Variants in NKIRAS1 observed in about 807,000 individuals in gnomAD.
NKIRAS1 encodes the protein NFKB inhibitor interacting Ras like 1.
In NKIRAS1, 16 loss-of-function variants were observed where a neutral mutation model predicts 19.8. That is an observed-to-expected ratio of 0.81 (90% CI 0.55 to 1.23). NKIRAS1 has a LOEUF of 1.23. NKIRAS1 is among the 50% of genes most tolerant of loss of function. NKIRAS1 has a pLI of 0.00. For synonymous variants in NKIRAS1, 88 were observed against 79.0 expected (o/e 1.11, Z -0.61); for missense variants, 184 against 220.0 (o/e 0.84, Z 1.04).
intron 1 of NKIRAS1, among the ~76,000 whole-genome samples, chr3:23,941,033 T>G (rs1003805879): frequency 2.6e-5 from 4 of 152,236 alleles, no homozygotes; most frequent in Admixed American, 2.0e-4. Flanking sequence ...CTTTGTGGTC[T>G]TCAACAATTT....
intron 1 of NKIRAS1, among the ~76,000 whole-genome samples, chr3:23,915,649 C>G (rs142919441): frequency 6.6e-6 from 1 of 152,190 alleles, no homozygotes; most frequent in African/African-American, 2.4e-5. Context: ...TGAGAACCTT[C>G]ACCTCTCCGA....
chr3:23,909,459 G>A (rs916111255), intron 3 of NKIRAS1, among the ~76,000 whole-genome samples: 1 of 152,140 alleles, frequency 6.6e-6, no homozygotes, highest in Non-Finnish European at 1.5e-5. Context: ...CCTGGGAGGC[G>A]GAAGTTGCAG....
At chr3:23,940,154 A>C in intron 1 of NKIRAS1, among the ~76,000 whole-genome samples, 1 of 133,000 alleles carries the variant, frequency 7.5e-6, no homozygotes, top group African/African-American at 2.9e-5. Context: ...ACACAGGAAG[A>C]CTCCCATCTC....
rs113548353 is a variant in NKIRAS1 at position 23,890,391 on chromosome 3, G to A, written c.*2704C>T. 16 of 845,234 alleles carry A rather than the reference G, an allele frequency of 1.9e-5. No individual in the cohort carries two copies. The highest frequency in any genetic ancestry group is 4.3e-5 in the South Asian group (2 of 46,152). 52.4% of individuals were successfully genotyped at this position (845,234 alleles called of 1,614,324 possible). On this transcript the variant is annotated 3_prime_UTR_variant, in exon 5 of 5. Transcript: ENST00000425478. ...ATCCAGCATGGTGGAGTGGTGTTTC[G>A]AAGATGGGTTTGATCACACATACTT...
chr3:23,890,705 G>C lies in NKIRAS1; in HGVS notation c.*2390C>G, dbSNP rs1369607746. ...GAGGGTGGGAGTTGGTAAAGAGTAG[G>C]GTATTTCTATAACAGATATTATTCA... On this transcript the variant is annotated 3_prime_UTR_variant, in exon 5 of 5. Transcript: ENST00000425478. 9.5e-7 allele frequency: 1 copy of C among 1,054,674 alleles called. No individual in the cohort carries two copies. The highest frequency in any genetic ancestry group is 2.7e-5 in the East Asian group (1 of 37,368). 65.3% of individuals were successfully genotyped at this position (1,054,674 alleles called of 1,614,324 possible). A position where few individuals can be genotyped will look rare whatever the true frequency, so the allele number is the denominator to read the frequency against.
chr3:23,942,270 C>T (rs1397533245), intron 1 of NKIRAS1, among the ~76,000 whole-genome samples: 6 of 152,108 alleles, frequency 3.9e-5, no homozygotes, highest in Admixed American at 3.3e-4. Flanking sequence ...TGAGCCACCG[C>T]GCCTGGCCTA....
At chr3:23,918,089 C>T, upstream of NKIRAS1, 9 of 1,566,494 alleles carry the variant, frequency 5.7e-6, no homozygotes, top group Non-Finnish European at 7.8e-6. Context: ...AAGTTGGAAA[C>T]CAGCTGTTAG....
chr3:23,893,462 G>A, intron 4 of NKIRAS1, 125 bp from the exon 5 acceptor site: 1 of 794,740 alleles, frequency 1.3e-6, no homozygotes, highest in Non-Finnish European at 2.0e-6. Context: ...ATTCTCAAGT[G>A]TGACTGGATA....
At chr3:23,932,909 G>GC (rs1368817095) in intron 1 of NKIRAS1, among the ~76,000 whole-genome samples, 1 of 151,994 alleles carries the variant, frequency 6.6e-6, no homozygotes, top group Non-Finnish European at 1.5e-5. Flanking sequence ...CAGAATAATG[G>GC]CCCCTCCAAT....
At chr3:23,928,340 T>G (rs925385231) in intron 1 of NKIRAS1, among the ~76,000 whole-genome samples, 2 of 144,394 alleles carry the variant, frequency 1.4e-5, no homozygotes, top group East Asian at 4.0e-4. Flanking sequence ...ATAAATGTTA[T>G]CATTTGAATA....
chr3:23,937,134 C>T (rs1705408507), intron 1 of NKIRAS1, among the ~76,000 whole-genome samples: 2 of 152,070 alleles, frequency 1.3e-5, no homozygotes, highest in Admixed American at 1.3e-4. Context: ...AATCCTGGCA[C>T]TTTGGGAGGC....
rs1559517464 is a variant in NKIRAS1, at chr3:23,940,167, C to CAA, written c.-140+6155_-140+6156insTT. ...CAACACAGGAAGACTCCCATCTCTA[C>CAA]CAAAAAAAAAAAAAAAAAAAAAAAG... On this transcript the variant is annotated intron_variant, in intron 1 of 4. Transcript: ENST00000421515. Among the ~76,000 whole-genome samples, 135 of 28,134 alleles carry CAA rather than the reference C, an allele frequency of 4.8e-3. 7 individuals carry two copies. Among genetic ancestry groups the CAA allele is most frequent in the Non-Finnish European group, 5.9e-3 (75 of 12,748 alleles). 18.5% of individuals were successfully genotyped at this position (28,134 alleles called of 152,430 possible).
chr3:23,918,137 G>T, upstream of NKIRAS1: 4 of 1,391,064 alleles, frequency 2.9e-6, no homozygotes, highest in Non-Finnish European at 3.9e-6. Flanking sequence ...TTCGCATAGG[G>T]CTTTGGCAGA....
At chr3:23,924,489 C>T (rs1352437729) in intron 1 of NKIRAS1, 2 of 152,248 alleles carry the variant, frequency 1.3e-5, no homozygotes, top group African/African-American at 4.8e-5. Context: ...ACTGCAACCT[C>T]CACCTTCTGG....
At chr3:23,920,433 AC>A (rs1705013303), upstream of NKIRAS1, 3 of 985,292 alleles carry the variant, frequency 3.0e-6, no homozygotes, top group South Asian at 1.4e-4. Context: ...TGGCCAAACA[AC>A]CCTAAAAATC....
intron 1 of NKIRAS1, among the ~76,000 whole-genome samples, chr3:23,931,921 T>C (rs1705324681): frequency 6.6e-6 from 1 of 152,104 alleles, no homozygotes; most frequent in Admixed American, 6.5e-5. Flanking sequence ...TATCAAGTCT[T>C]TGTCTGGAGC....
Position 23,890,592 on chromosome 3 carries a change from A to G in NKIRAS1, c.*2503T>C. On this transcript the variant is annotated 3_prime_UTR_variant, in exon 5 of 5. Coordinates refer to ENST00000425478, the MANE Select transcript of NKIRAS1 (RefSeq NM_020345.4). ...CAGAATGGCCAGACAGTGGACCAAG[A>G]GATACGCTACATAAATTGGGGTTTC... 1 of 1,613,414 alleles carries G rather than the reference A, an allele frequency of 6.2e-7. No homozygotes were observed. The highest frequency in any genetic ancestry group is 8.5e-7 in the Non-Finnish European group (1 of 1,179,716).
rs921780967 is a variant in NKIRAS1, at chr3:23,891,469, G to A, written c.*1626C>T. Among the ~76,000 whole-genome samples, 4 of 152,150 alleles carry A rather than the reference G, an allele frequency of 2.6e-5. No individual in the cohort carries two copies. The highest frequency in any genetic ancestry group is 5.9e-5 in the Non-Finnish European group (4 of 68,020). On this transcript the variant is annotated 3_prime_UTR_variant, in exon 5 of 5. Transcript: ENST00000425478. ...TATATTAGGATCTGTACTTTACACA[G>A]CTGTAGATGAGGTATCCTAGAAAAG...
chr3:23,940,494 A>T (rs112666056), intron 1 of NKIRAS1, among the ~76,000 whole-genome samples: 108 of 152,210 alleles, frequency 7.1e-4, no homozygotes, highest in African/African-American at 1.4e-3. Context: ...GGAGTTGTGT[A>T]CTGTTTTCAG....
Sources: gnomAD v4.1 joint callset for allele counts (sites outside exome capture counted in the v4.1 genomes callset) on GRCh38, gnomAD v4.1.1 for gene constraint, MANE v1.5 for transcripts, NCBI Gene and HGNC (gene_info 2026-07-23, HGNC 2026-07-21) for gene names.